Variants in DAB1 observed in about 807,000 individuals in gnomAD.
The protein encoded by DAB1 is DAB adaptor protein 1, also known as disabled homolog 1.
A neutral mutation model predicts 64.6 loss-of-function variants in DAB1; 15 were observed. The observed-to-expected ratio is 0.23, with a 90% CI of 0.16 to 0.36. DAB1 has a LOEUF of 0.36. Ranked by LOEUF, DAB1 falls within the 10% of genes least tolerant of loss-of-function variation. The pLI is 1.00. For synonymous variants in DAB1, 235 were observed against 251.9 expected, an observed-to-expected ratio of 0.93 and a Z score of 0.64; for missense variants, 596 against 706.7, an observed-to-expected ratio of 0.84 and a Z score of 1.78.
At chr1:58,378,972 C>T (rs1264572674) in intron 3 of DAB1, among the ~76,000 whole-genome samples, 2 of 139,720 alleles carry the variant, frequency 1.4e-5, no homozygotes, top group Admixed American at 1.4e-4. Context: ...CTTTCTTTGA[C>T]TCGGAAAGGG....
At chr1:58,499,129 G>A (rs933579891) in intron 3 of DAB1, among the ~76,000 whole-genome samples, 1 of 151,804 alleles carries the variant, frequency 6.6e-6, no homozygotes, top group Non-Finnish European at 1.5e-5. Flanking sequence ...AATAAGCCAG[G>A]TACAGAAAGA....
intron 6 of DAB1, among the ~76,000 whole-genome samples, chr1:57,787,860 A>G (rs1650409385): frequency 6.6e-6 from 1 of 152,156 alleles, no homozygotes; most frequent in Non-Finnish European, 1.5e-5. Context: ...ACAATTAAAT[A>G]TGTACTTCAT....
intron 1 of DAB1, among the ~76,000 whole-genome samples, chr1:57,304,404 G>A (rs1284683417): frequency 6.6e-6 from 1 of 150,900 alleles, no homozygotes; most frequent in Non-Finnish European, 1.5e-5. Flanking sequence ...ATGAGATTTG[G>A]GCAGGGACAC....
Position 58,022,501 on chromosome 1 carries a change from T to G in DAB1, n.387+128010A>C, listed in dbSNP as rs749090429. On this transcript the variant is annotated intron_variant and non_coding_transcript_variant, in intron 5 of 20. Transcript: ENST00000485760. ...AACTTCAGGCAAGTCCCTTTTCCAC[T>G]GTGCACTTCAATAGAGGATGAGACT... 2.2e-4 allele frequency among the ~76,000 whole-genome samples: 33 copies of G among 152,170 alleles called. 2 individuals carry two copies. Among genetic ancestry groups the G allele is most frequent in the South Asian group, 1.0e-3 (5 of 4,822 alleles).
chr1:58,243,216 A>T (rs1341642458), intron 4 of DAB1, among the ~76,000 whole-genome samples: 1 of 151,978 alleles, frequency 6.6e-6, no homozygotes, highest in African/African-American at 2.4e-5. Context: ...GTCACTAAAG[A>T]TCTAAGCTCA....
chr1:57,268,127 C>G (rs928846246), intron 2 of DAB1, among the ~76,000 whole-genome samples: 2 of 152,148 alleles, frequency 1.3e-5, no homozygotes, highest in African/African-American at 2.4e-5. Context: ...CAATTCCCTA[C>G]CCCAAAGCAA....
intron 1 of DAB1, among the ~76,000 whole-genome samples, chr1:57,324,408 A>AT (rs1675987743): frequency 6.6e-6 from 1 of 152,234 alleles, no homozygotes; most frequent in Non-Finnish European, 1.5e-5. Flanking sequence ...TAAAGGTATC[A>AT]TTTTATCTGT....
chr1:57,441,235 A>C (rs1400610081), intron 7 of DAB1, among the ~76,000 whole-genome samples: 1 of 138,176 alleles, frequency 7.2e-6, no homozygotes, highest in African/African-American at 2.5e-5. Flanking sequence ...TTTTATGCAC[A>C]GGTACAATCT....
intron 7 of DAB1, among the ~76,000 whole-genome samples, chr1:57,462,500 G>C (rs17115833): frequency 0.042 from 6,391 of 152,234 alleles, 211 homozygotes; most frequent in East Asian, 0.17. Flanking sequence ...TCTTTCCTTA[G>C]ATATAGCTTT....
intron 6 of DAB1, among the ~76,000 whole-genome samples, chr1:57,760,628 A>T (rs113449346): frequency 0.53 from 79,207 of 148,790 alleles, 21,135 homozygotes; most frequent in East Asian, 0.63. Flanking sequence ...TCTCACACAC[A>T]CACACACACA....
intron 5 of DAB1, among the ~76,000 whole-genome samples, chr1:57,962,652 A>T (rs1019890503): frequency 6.6e-6 from 1 of 152,054 alleles, no homozygotes; most frequent in South Asian, 2.1e-4. Context: ...TGGGAGAATC[A>T]CTTGAGGCAA....
chr1:58,345,269 A>G (rs1307624271), intron 3 of DAB1, among the ~76,000 whole-genome samples: 1 of 152,132 alleles, frequency 6.6e-6, no homozygotes, highest in African/African-American at 2.4e-5. Context: ...ATCAAAATCA[A>G]CTGCAAGCTC....
At chr1:58,482,787 C>A (rs929486944) in intron 3 of DAB1, among the ~76,000 whole-genome samples, 1 of 152,020 alleles carries the variant, frequency 6.6e-6, no homozygotes, top group Non-Finnish European at 1.5e-5. Context: ...GAGATGGGAG[C>A]GTGCCTGGGG....
At position 57,361,799 on chromosome 1, in the gene DAB1, T is replaced by A. The variant is rs537020528; in HGVS notation, c.-137+62131A>T. 3.0e-4 allele frequency among the ~76,000 whole-genome samples: 46 copies of A among 152,256 alleles called. 1 individual carries two copies. The highest frequency in any genetic ancestry group is 1.1e-3 in the African/African-American group (44 of 41,546). On this transcript the variant is annotated intron_variant, in intron 1 of 14. Coordinates refer to ENST00000371236, the MANE Select transcript of DAB1 (RefSeq NM_001365792.1). ...ACAGAGCTGCATCCGACCTGCAGAA[T>A]TATTGAAATTCTGGGATATCTGTTA...
rs573854138 is a variant in DAB1, at chr1:57,573,531, G to A, written n.625+76061C>T. 6.8e-4 allele frequency among the ~76,000 whole-genome samples: 103 copies of A among 152,338 alleles called. 2 individuals are homozygous for A. The South Asian group carries it at 0.019, about 29-fold the overall frequency. ...GAGTTGGCTCACTAATACTTTAAGT[G>A]CATGTTATTGCTCTAAACAAATAGA... is the stretch of plus-strand genomic sequence containing the variant. On this transcript the variant is annotated intron_variant and non_coding_transcript_variant, in intron 7 of 20. Transcript: ENST00000485760.
chr1:57,119,864 C>T (rs991999683), intron 4 of DAB1, among the ~76,000 whole-genome samples: 2 of 152,130 alleles, frequency 1.3e-5, no homozygotes, highest in Non-Finnish European at 2.9e-5. Flanking sequence ...ATCAGTCTCC[C>T]CATTTTCAGT....
At chr1:58,003,896 C>G (rs548743486) in intron 5 of DAB1, among the ~76,000 whole-genome samples, 195 of 152,310 alleles carry the variant, frequency 1.3e-3, no homozygotes, top group Admixed American at 5.2e-3. Context: ...TTTATGCCAG[C>G]CTTTGCCTTC....
At chr1:57,159,390 G>A (rs1269596147) in intron 2 of DAB1, among the ~76,000 whole-genome samples, 1 of 152,108 alleles carries the variant, frequency 6.6e-6, no homozygotes, top group Non-Finnish European at 1.5e-5. Flanking sequence ...TGCCAAATCA[G>A]TTAAGGGCAT....
intron 2 of DAB1, among the ~76,000 whole-genome samples, chr1:57,238,854 C>CAT (rs1553159610): frequency 7.2e-4 from 102 of 141,960 alleles, no homozygotes; most frequent in African/African-American, 2.8e-3. Flanking sequence ...CACACACACA[C>CAT]ACACATACAC....
Sources: allele counts gnomAD v4.1 joint callset (sites outside exome capture counted in the v4.1 genomes callset), GRCh38; gene constraint gnomAD v4.1.1; transcripts MANE v1.5; gene names NCBI Gene and HGNC (gene_info 2026-07-23, HGNC 2026-07-21).